STX12: variants seen among roughly 807,000 people sequenced by gnomAD.
The protein encoded by STX12 is syntaxin-12.
Under a neutral mutation model 42.2 loss-of-function variants are expected in STX12, and 17 were observed. The ratio of observed to expected loss-of-function variants is 0.40; its 90% CI spans 0.28 to 0.60. The LOEUF (loss-of-function observed/expected upper bound fraction) is 0.60, where lower values mean the gene tolerates loss of function less well. Ranked by LOEUF, STX12 falls within the 20% of genes least tolerant of loss-of-function variation. The probability of loss-of-function intolerance (pLI) is 0.39; values close to 1 mark genes in which losing one functional copy is unlikely to be tolerated. For synonymous variants in STX12, 108 were observed against 116.7 expected (o/e 0.93, Z 0.48); for missense variants, 297 against 330.9 (o/e 0.90, Z 0.79).
At chr1:27,819,793 C>T in intron 8 of STX12, 61 bp downstream of exon 8, 1 of 1,437,814 alleles carries the variant, frequency 7.0e-7, no homozygotes, top group Non-Finnish European at 9.7e-7. Context: ...CATCAGAGTA[C>T]ATTGACATAT....
intron 6 of STX12, among the ~76,000 whole-genome samples, chr1:27,817,066 GGAAA>G (rs991834197): frequency 1.1e-4 from 17 of 148,372 alleles, no homozygotes; most frequent in African/African-American, 4.0e-4. Context: ...AAGGAAGGAA[GGAAA>G]GAAGGAAGGA....
chr1:27,807,685 A>G (rs528117580), intron 4 of STX12, among the ~76,000 whole-genome samples: 4 of 152,314 alleles, frequency 2.6e-5, no homozygotes, highest in Admixed American at 1.3e-4. Flanking sequence ...TGATCCAGCA[A>G]TTCTACCCTA....
chr1:27,812,472 G>A (rs1049399870), intron 6 of STX12, among the ~76,000 whole-genome samples: 1 of 149,448 alleles, frequency 6.7e-6, no homozygotes, highest in African/African-American at 2.5e-5. Flanking sequence ...ATGGAATTTC[G>A]CTCTTGTTGC....
intron 1 of STX12, among the ~76,000 whole-genome samples, chr1:27,782,539 AT>A (rs1367414618): frequency 6.6e-6 from 1 of 151,964 alleles, no homozygotes; most frequent in Non-Finnish European, 1.5e-5. Flanking sequence ...TACAGTGGCT[AT>A]TTTTTAAAGT....
Position 27,773,347 on chromosome 1 carries a change from C to T in STX12, c.40C>T (p.Pro14Ser), listed in dbSNP as rs780224416. ...GPLDMYRNPGPSGPQLRDFSS... is the reference protein window; with the variant it reads ...GPLDMYRNPGSSGPQLRDFSS... Reference sequence around the variant, plus strand: ...CTTAGACATGTACCGGAACCCGGGGCCCTCGGGGCCCCAGCTCCGGGACTT... The same window carrying T: ...CTTAGACATGTACCGGAACCCGGGGTCCTCGGGGCCCCAGCTCCGGGACTT... The change falls in exon 1 of 9, where the codon CCC becomes TCC. Residue 14 changes from proline (P) to serine (S), a missense_variant. Pro to Ser is a moderately conservative substitution (Grantham distance 74). Coordinates refer to ENST00000373943, the MANE Select transcript of STX12 (RefSeq NM_177424.3). The T allele has an allele frequency of 1.2e-6, 2 of 1,612,062 alleles. No individual in the cohort carries two copies. Among genetic ancestry groups the T allele is most frequent in the Non-Finnish European group, 1.7e-6 (2 of 1,178,880 alleles).
intron 7 of STX12, among the ~76,000 whole-genome samples, chr1:27,818,794 A>C (rs976130431): frequency 1.3e-5 from 2 of 151,664 alleles, no homozygotes; most frequent in African/African-American, 2.4e-5. Flanking sequence ...CACGCCCGCT[A>C]ATTTTGTAGT....
chr1:27,797,476 C>G (rs2088795207), intron 3 of STX12, among the ~76,000 whole-genome samples: 2 of 152,152 alleles, frequency 1.3e-5, no homozygotes, highest in Admixed American at 1.3e-4. Flanking sequence ...CAGGTTGAGT[C>G]AGCCTCCTTC....
In STX12 at chr1:27,792,344, G is replaced by A. The variant is rs867980226; in HGVS notation, c.189-1189G>A. On this transcript the variant is annotated intron_variant, in intron 2 of 8. Transcript: ENST00000373943. ...TACATATATATGTATCTATATATAT[G>A]TAGATACATATATATGTATATATAT... Among the ~76,000 whole-genome samples the A allele has an allele frequency of 6.2e-4, 73 of 117,002 alleles. 2 individuals carry two copies. The highest frequency in any genetic ancestry group is 1.0e-3 in the Non-Finnish European group (59 of 56,598). 76.8% of individuals were successfully genotyped at this position (117,002 alleles called of 152,430 possible).
At chr1:27,802,073 A>G (rs908150191) in intron 4 of STX12, 3 of 230,872 alleles carry the variant, frequency 1.3e-5, no homozygotes, top group African/African-American at 6.8e-5. Flanking sequence ...TTTTAACGTT[A>G]AAAACTTGAA....
intron 3 of STX12, among the ~76,000 whole-genome samples, chr1:27,795,815 C>G (rs907598968): frequency 2.4e-4 from 37 of 152,112 alleles, no homozygotes; most frequent in African/African-American, 8.0e-4. Flanking sequence ...ATTACTCATG[C>G]TGATGTTTCA....
At chr1:27,794,168 G>A (rs2088768764) in intron 3 of STX12, among the ~76,000 whole-genome samples, 3 of 151,942 alleles carry the variant, frequency 2.0e-5, no homozygotes. Context: ...GCAACTACAG[G>A]CATGTGCCAC....
In STX12 at chr1:27,819,630, C is replaced by T; in HGVS notation, c.650-20C>T. 1 of 1,610,272 alleles carries T rather than the reference C, an allele frequency of 6.2e-7. No homozygotes were observed. Among genetic ancestry groups the T allele is most frequent in the African/African-American group, 1.3e-5 (1 of 74,942 alleles). On this transcript the variant is annotated intron_variant, in intron 7 of 8. Transcript: ENST00000373943. ...AAACATCTGAGTGTGTTAAAACATC[C>T]TCTGTCCTTCCTTTTGCAGATAGCA...
intron 2 of STX12, among the ~76,000 whole-genome samples, chr1:27,792,272 A>G (rs1419474803): frequency 7.5e-6 from 1 of 133,954 alleles, no homozygotes; most frequent in Non-Finnish European, 1.6e-5. Context: ...ATATATATGT[A>G]TCTATATATA....
At chr1:27,803,721 C>T (rs1263122568) in intron 4 of STX12, among the ~76,000 whole-genome samples, 2 of 152,106 alleles carry the variant, frequency 1.3e-5, no homozygotes, top group South Asian at 2.1e-4. Flanking sequence ...ATAAAGAATT[C>T]GGCCAGGCGT....
Position 27,801,757 on chromosome 1 carries a change from G to T in STX12, c.368G>T (p.Arg123Met). The T allele has an allele frequency of 1.3e-6, 2 of 1,596,302 alleles. No individual in the cohort carries two copies. The highest frequency in any genetic ancestry group is 1.7e-6 in the Non-Finnish European group (2 of 1,173,726). ...ALNNFQAVQR[R>M]VSEKEKESIA... is the part of the protein sequence containing the mutation. ...AACAATTTCCAGGCTGTGCAGAGAA[G>T]GGTATCTGAAAAGGAAAAGGAGAGT... Residue 123 changes from arginine (R) to methionine (M), a missense_variant, in exon 4 of 9, where the codon AGG (arginine) becomes ATG (methionine). Coordinates refer to ENST00000373943, the MANE Select transcript of STX12 (RefSeq NM_177424.3).
chr1:27,778,701 A>G (rs2088644017), intron 1 of STX12, among the ~76,000 whole-genome samples: 1 of 146,628 alleles, frequency 6.8e-6, no homozygotes, highest in Admixed American at 6.8e-5. Flanking sequence ...CATCTCAGGA[A>G]AAAAAAAAAA....
At chr1:27,794,638 CT>C (rs1412983677) in intron 3 of STX12, among the ~76,000 whole-genome samples, 2 of 152,168 alleles carry the variant, frequency 1.3e-5, no homozygotes, top group Non-Finnish European at 2.9e-5. Context: ...GTAAAAAAAA[CT>C]TTCTCCGTCT....
intron 6 of STX12, among the ~76,000 whole-genome samples, chr1:27,814,926 A>G (rs1286849720): frequency 6.6e-6 from 1 of 152,180 alleles, no homozygotes; most frequent in African/African-American, 2.4e-5. Flanking sequence ...AAATATTTAA[A>G]AAAAACTAAA....
chr1:27,816,791 C>G (rs1279493937), intron 6 of STX12, among the ~76,000 whole-genome samples: 1 of 152,028 alleles, frequency 6.6e-6, no homozygotes, highest in Non-Finnish European at 1.5e-5. Flanking sequence ...TGGCATGGGC[C>G]TGTAATCCCA....
Sources: gnomAD v4.1 joint callset for allele counts (sites outside exome capture counted in the v4.1 genomes callset) on GRCh38, gnomAD v4.1.1 for gene constraint, MANE v1.5 for transcripts, NCBI Gene and HGNC (gene_info 2026-07-23, HGNC 2026-07-21) for gene names.